ATP6V1H: variants seen among roughly 807,000 people sequenced by gnomAD.
ATP6V1H encodes the protein V-type proton ATPase subunit H.
ATP6V1H carries 39 observed loss-of-function variants against 71.7 expected under a neutral mutation model. That is an observed-to-expected ratio of 0.54 (90% CI 0.42 to 0.71). ATP6V1H has a LOEUF of 0.71. Ranked by LOEUF, ATP6V1H falls within the 30% of genes least tolerant of loss-of-function variation. The pLI is 0.00. For missense variants in ATP6V1H, 509 were observed against 594.9 expected (o/e 0.86, Z 1.50); for synonymous variants, 192 against 199.3 (o/e 0.96, Z 0.31).
intron 4 of ATP6V1H, among the ~76,000 whole-genome samples, chr8:53,828,744 A>G (rs149429407): frequency 6.6e-6 from 1 of 152,230 alleles, no homozygotes; most frequent in African/African-American, 2.4e-5. Context: ...GGCCATCAAT[A>G]AATGTTTTTT....
chr8:53,750,549 G>C (rs1049963805), intron 12 of ATP6V1H, among the ~76,000 whole-genome samples: 2 of 152,182 alleles, frequency 1.3e-5, no homozygotes, highest in African/African-American at 4.8e-5. Flanking sequence ...ATGATGTTAA[G>C]TGAGGGCTTA....
At chr8:53,767,165 C>T (rs1018683367) in intron 11 of ATP6V1H, among the ~76,000 whole-genome samples, 2 of 152,286 alleles carry the variant, frequency 1.3e-5, no homozygotes, top group African/African-American at 2.4e-5. Flanking sequence ...AAAGAACCTA[C>T]GTGATTTTCG....
intron 9 of ATP6V1H, among the ~76,000 whole-genome samples, chr8:53,785,158 G>A (rs1173590241): frequency 3.3e-5 from 5 of 152,004 alleles, no homozygotes; most frequent in Admixed American, 6.6e-5. Context: ...CATTCTCCCC[G>A]TCACTTTCAG....
At chr8:53,736,749 T>C (rs1744878071) in intron 13 of ATP6V1H, among the ~76,000 whole-genome samples, 2 of 152,130 alleles carry the variant, frequency 1.3e-5, no homozygotes, top group Admixed American at 1.3e-4. Flanking sequence ...CTCCCACTAA[T>C]AAGTGAGATT....
intron 13 of ATP6V1H, among the ~76,000 whole-genome samples, chr8:53,741,059 A>G (rs1807396158): frequency 6.6e-6 from 1 of 152,214 alleles, no homozygotes; most frequent in South Asian, 2.1e-4. Flanking sequence ...TTGCCATATA[A>G]TTAGAAAGAG....
At chr8:53,778,590 T>A (rs535618081) in intron 9 of ATP6V1H, among the ~76,000 whole-genome samples, 2 of 152,132 alleles carry the variant, frequency 1.3e-5, no homozygotes, top group Non-Finnish European at 2.9e-5. Context: ...TGGAGGTCAT[T>A]ATGTTAAGTA....
chr8:53,771,961 C>A (rs769879391), intron 10 of ATP6V1H, 28 bp downstream of exon 10: 1 of 1,593,100 alleles, frequency 6.3e-7, no homozygotes, highest in South Asian at 1.1e-5. Context: ...ACAGATCCAG[C>A]ACATGAGAAT....
At chr8:53,800,316 GTCTT>G (rs1310895751) in intron 8 of ATP6V1H, among the ~76,000 whole-genome samples, 1 of 152,182 alleles carries the variant, frequency 6.6e-6, no homozygotes, top group African/African-American at 2.4e-5. Flanking sequence ...ATGTCTGTGA[GTCTT>G]TCTAATGAAT....
At chr8:53,798,221 G>GT (rs576230861) in intron 8 of ATP6V1H, among the ~76,000 whole-genome samples, 1 of 152,052 alleles carries the variant, frequency 6.6e-6, no homozygotes, top group Non-Finnish European at 1.5e-5. Flanking sequence ...AATGTGCTGG[G>GT]TTTTTTTAAG....
At chr8:53,764,710 A>G (rs1310838000) in intron 11 of ATP6V1H, among the ~76,000 whole-genome samples, 1 of 152,190 alleles carries the variant, frequency 6.6e-6, no homozygotes, top group Non-Finnish European at 1.5e-5. Flanking sequence ...AAATAAAAGA[A>G]ATAATTACAG....
intron 9 of ATP6V1H, among the ~76,000 whole-genome samples, chr8:53,785,764 C>A (rs1044939316): frequency 6.6e-6 from 1 of 152,206 alleles, no homozygotes; most frequent in Non-Finnish European, 1.5e-5. Context: ...ACACTCATGA[C>A]CCTTGGCTGC....
intron 2 of ATP6V1H, among the ~76,000 whole-genome samples, chr8:53,834,144 T>C (rs1811088187): frequency 6.6e-6 from 1 of 152,028 alleles, no homozygotes; most frequent in Non-Finnish European, 1.5e-5. Context: ...AAGCCACCAG[T>C]ATGGTAGGAA....
At chr8:53,833,969 C>T (rs1375506074) in intron 2 of ATP6V1H, among the ~76,000 whole-genome samples, 1 of 152,106 alleles carries the variant, frequency 6.6e-6, no homozygotes, top group Admixed American at 6.5e-5. Context: ...CTCAACCTTC[C>T]CAACTTCTCC....
Position 53,781,355 on chromosome 8 carries a change from GTTCATATCC to G in ATP6V1H, c.871-9197_871-9189del, listed in dbSNP as rs765749689. The stretch of plus-strand genomic sequence containing the variant: ...AAATGTCTTCTTTTCAGAAGTGTCT[GTTCATATCC>G]TTTGCCCACTTTTTGATGGGGTTGT... On this transcript the variant is annotated intron_variant, in intron 9 of 13. Transcript: ENST00000359530. Among the ~76,000 whole-genome samples the G allele has an allele frequency of 5.7e-3, 866 of 152,258 alleles. 4 individuals are homozygous for G. Among genetic ancestry groups the G allele is most frequent in the Non-Finnish European group, 7.4e-3 (503 of 68,016 alleles).
chr8:53,826,315 C>T (rs998144465), intron 4 of ATP6V1H, among the ~76,000 whole-genome samples: 1 of 152,222 alleles, frequency 6.6e-6, no homozygotes, highest in Non-Finnish European at 1.5e-5. Flanking sequence ...ATGAAATATA[C>T]ACCCAACAAC....
chr8:53,827,144 G>A lies in ATP6V1H; in HGVS notation c.306+2300C>T, dbSNP rs140574703. On this transcript the variant is annotated intron_variant, in intron 4 of 13. Coordinates refer to ENST00000359530, the MANE Select transcript of ATP6V1H (RefSeq NM_015941.4). ...CTCCTGTAATCCCAGCACTTTGGGA[G>A]GCCGAGGTGGGCAGATCACCTAAGG... 7.8e-3 allele frequency among the ~76,000 whole-genome samples: 1,191 copies of A among 152,134 alleles called. 4 individuals are homozygous for A. The highest frequency in any genetic ancestry group is 0.015 in the South Asian group (74 of 4,822).
chr8:53,817,823 G>C (rs576542390), intron 4 of ATP6V1H, among the ~76,000 whole-genome samples: 27 of 152,148 alleles, frequency 1.8e-4, no homozygotes, highest in Admixed American at 6.6e-5. Context: ...CAATGTAACA[G>C]GTCTACACCC....
intron 6 of ATP6V1H, among the ~76,000 whole-genome samples, chr8:53,813,276 C>G (rs1007036077): frequency 6.6e-6 from 1 of 152,076 alleles, no homozygotes; most frequent in Non-Finnish European, 1.5e-5. Flanking sequence ...GATCAAGAAA[C>G]TCTAAAATAT....
chr8:53,789,776 G>C (rs1263845893), intron 9 of ATP6V1H, among the ~76,000 whole-genome samples: 1 of 151,998 alleles, frequency 6.6e-6, no homozygotes, highest in Non-Finnish European at 1.5e-5. Context: ...TTGAAAAATA[G>C]ATATTTTCAT....
Sources: gnomAD v4.1 joint callset for allele counts (sites outside exome capture counted in the v4.1 genomes callset) on GRCh38, gnomAD v4.1.1 for gene constraint, MANE v1.5 for transcripts, NCBI Gene and HGNC (gene_info 2026-07-23, HGNC 2026-07-21) for gene names.